HSD11B2: variants seen among roughly 807,000 people sequenced by gnomAD.
HSD11B2 encodes hydroxysteroid 11-beta dehydrogenase 2, also known as 11-beta-hydroxysteroid dehydrogenase type 2.
In HSD11B2, 17 loss-of-function variants were observed where a neutral mutation model predicts 20.9. That is an observed-to-expected ratio of 0.81 (90% confidence interval 0.56 to 1.22). The LOEUF (loss-of-function observed/expected upper bound fraction) is 1.22. Ranked by LOEUF, HSD11B2 falls within the 50% of genes most tolerant of loss-of-function variation. The pLI, the probability that HSD11B2 is intolerant of heterozygous loss-of-function variation, is 0.00. For synonymous variants in HSD11B2, 253 were observed against 255.4 expected, an observed-to-expected ratio of 0.99 and a Z score of 0.09; for missense variants, 480 against 563.6, an observed-to-expected ratio of 0.85 and a Z score of 1.50.
In HSD11B2 at chr16:67,437,191, G is replaced by C; in HGVS notation, c.*188G>C. 1 of 627,434 alleles carries C rather than the reference G, an allele frequency of 1.6e-6. No individual in the cohort carries two copies. Among genetic ancestry groups the C allele is most frequent in the Non-Finnish European group, 2.8e-6 (1 of 359,962 alleles). 38.9% of individuals were successfully genotyped at this position (627,434 alleles called of 1,614,324 possible). A position where few individuals can be genotyped will look rare whatever the true frequency, so the allele number is the denominator to read the frequency against. On this transcript the variant is annotated 3_prime_UTR_variant, in exon 5 of 5. Coordinates refer to ENST00000326152, the MANE Select transcript of HSD11B2 (RefSeq NM_000196.4). ...CGGTGAGGCCAAGGTTTCCCAGTGAGCCTCTGCGCCTCTCCACTGTTTCAT... is the reference window on the plus strand; with the variant it reads ...CGGTGAGGCCAAGGTTTCCCAGTGACCCTCTGCGCCTCTCCACTGTTTCAT...
chr16:67,437,086 C>CAA lies in HSD11B2; in HGVS notation c.*83_*84insAA, dbSNP rs1337171483. The CAA allele has an allele frequency of 7.2e-7, 1 of 1,392,154 alleles. No homozygotes were observed. The highest frequency in any genetic ancestry group is 9.8e-7 in the Non-Finnish European group (1 of 1,016,174). 86.2% of individuals were successfully genotyped at this position (1,392,154 alleles called of 1,614,324 possible). A position where few individuals can be genotyped will look rare whatever the true frequency, so the allele number is the denominator to read the frequency against. On this transcript the variant is annotated 3_prime_UTR_variant, in exon 5 of 5. Coordinates refer to ENST00000326152, the MANE Select transcript of HSD11B2 (RefSeq NM_000196.4). ...TCCTCCCCGAAAACCCCCAGCATTA[C>CAA]GATCCCCCAAGTGTCCTGGACCCTG...
Position 67,431,430 on chromosome 16 carries a change from T to C in HSD11B2, c.182T>C (p.Leu61Pro). The change falls in exon 1 of 5, where the codon CTG becomes CCG. Residue 61 changes from leucine to proline, a missense_variant. Transcript: ENST00000326152. ...CCCCCGCCGGCCGCACTCGCCGTGC[T>C]GGCCGCCGCCGGCTGGATCGCGTTG... Reference protein sequence around the residue: ...LLPPPAALAVLAAAGWIALSR... With the variant: ...LLPPPAALAVPAAAGWIALSR... 1 of 1,326,908 alleles carries C rather than the reference T, an allele frequency of 7.5e-7. No homozygotes were observed. The highest frequency in any genetic ancestry group is 9.6e-7 in the Non-Finnish European group (1 of 1,040,170). The allele number at this position is 1,326,908 out of a possible 1,614,324, so 82.2% of individuals were successfully genotyped here. A position where few individuals can be genotyped will look rare whatever the true frequency, so the allele number is the denominator to read the frequency against.
chr16:67,435,922 A>G, intron 2 of HSD11B2, 35 bp from the exon 3 acceptor site: 1 of 1,613,940 alleles, frequency 6.2e-7, no homozygotes, highest in Non-Finnish European at 8.5e-7. Flanking sequence ...TGCTGGGCTG[A>G]CCTAAGGCTT....
At chr16:67,431,619 G>A in intron 1 of HSD11B2, 106 bp downstream of exon 1, 2 of 1,116,332 alleles carry the variant, frequency 1.8e-6, no homozygotes, top group Non-Finnish European at 2.2e-6. Context: ...GCTCCTCAGC[G>A]CAAGAGTGGG....
chr16:67,436,075 G>A lies in HSD11B2; in HGVS notation c.597G>A (p.Leu199=), dbSNP rs149312221. 1 of 1,614,192 alleles carries A rather than the reference G, an allele frequency of 6.2e-7. No homozygotes were observed. Residue 199 remains leucine, a synonymous_variant, in exon 3 of 5, where the codon CTG becomes CTA. Transcript: ENST00000326152. The surrounding 1 kb of genome is among the most constrained non-coding windows in gnomAD (Gnocchi z 5.7). ...TGAATTTCTTTGGCGCGCTCGAGCT[G>A]ACCAAGGGCCTCCTGCCCCTGCTGC... ...MEVNFFGALE[L]TKGLLPLLRS...
chr16:67,435,888 AGG>A (rs1265120063), intron 2 of HSD11B2, 48 bp downstream of exon 2: 1 of 1,613,484 alleles, frequency 6.2e-7, no homozygotes, highest in Non-Finnish European at 8.5e-7. Flanking sequence ...GGGAGTGGGA[AGG>A]ACACGGGGAC....
At position 67,431,176 on chromosome 16, in the gene HSD11B2, C is replaced by A; in HGVS notation, c.-73C>A. 1.1e-6 allele frequency: 1 copy of A among 891,080 alleles called. No individual in the cohort carries two copies. Among genetic ancestry groups the A allele is most frequent in the Non-Finnish European group, 1.4e-6 (1 of 714,112 alleles). The allele number at this position is 891,080 out of a possible 1,614,324, so 55.2% of individuals were successfully genotyped here. ...CGGTGTACCCCCGCACTCCGCGCCC[C>A]GGCCTAGAAGCTCTCTCTCCCCGCT... On this transcript the variant is annotated 5_prime_UTR_variant, in exon 1 of 5. Coordinates refer to ENST00000326152, the MANE Select transcript of HSD11B2 (RefSeq NM_000196.4).
Position 67,437,217 on chromosome 16 carries a change from G to A in HSD11B2, c.*214G>A. On this transcript the variant is annotated 3_prime_UTR_variant, in exon 5 of 5. Transcript: ENST00000326152. Reference sequence around the variant, plus strand: ...CCTCTGCGCCTCTCCACTGTTTCATGAGCCCAAACACCCTCCTGGCACAAC... The same window carrying A: ...CCTCTGCGCCTCTCCACTGTTTCATAAGCCCAAACACCCTCCTGGCACAAC... 1 of 604,772 alleles carries A rather than the reference G, an allele frequency of 1.7e-6. No homozygotes were observed. The highest frequency in any genetic ancestry group is 2.0e-5 in the South Asian group (1 of 50,596). The allele number at this position is 604,772 out of a possible 1,614,324, so 37.5% of individuals were successfully genotyped here.
intron 1 of HSD11B2, chr16:67,433,295 CTG>C (rs745486026): frequency 2.0e-5 from 3 of 152,204 alleles, no homozygotes; most frequent in Non-Finnish European, 4.4e-5. Flanking sequence ...GCCAAGAACA[CTG>C]TGTTTTGGGC....
In HSD11B2 at chr16:67,436,815, C is replaced by T; in HGVS notation, c.1030C>T (p.Leu344=). The change falls in exon 5 of 5, where the codon CTG becomes TTG. Residue 344 remains leucine (L), a synonymous_variant. Transcript: ENST00000326152. The surrounding 1 kb of genome is among the most constrained non-coding windows in gnomAD (Gnocchi z 5.7). ...PRRRYYPGQG[L]GLMYFIHYYL... ...CCGCCGCTATTACCCCGGCCAGGGC[C>T]TGGGGCTCATGTACTTCATCCACTA... 1.2e-6 allele frequency: 2 copies of T among 1,613,844 alleles called. No individual in the cohort carries two copies. The highest frequency in any genetic ancestry group is 2.2e-5 in the South Asian group (2 of 91,092).
Position 67,437,004 on chromosome 16 carries a change from GC to G in HSD11B2, c.*3del, listed in dbSNP as rs762326376. The stretch of plus-strand genomic sequence containing the variant: ...CCCTTCCCCAGCAGTGGCTCGGTGA[GC>G]CATGTGCACCTATGGCCCAGCCACT... On this transcript the variant is annotated 3_prime_UTR_variant, in exon 5 of 5. Coordinates refer to ENST00000326152, the MANE Select transcript of HSD11B2 (RefSeq NM_000196.4). 6.2e-7 allele frequency: 1 copy of G among 1,606,842 alleles called. No homozygotes were observed. Among genetic ancestry groups the G allele is most frequent in the Non-Finnish European group, 8.5e-7 (1 of 1,179,786 alleles).
intron 1 of HSD11B2, among the ~76,000 whole-genome samples, chr16:67,433,950 GAGC>G (rs2142287051): frequency 6.6e-6 from 1 of 152,188 alleles, no homozygotes; most frequent in African/African-American, 2.4e-5. Flanking sequence ...GTGGGAGCAG[GAGC>G]AGAACAGAAA....
intron 1 of HSD11B2, among the ~76,000 whole-genome samples, chr16:67,435,298 C>A (rs533663665): frequency 1.3e-5 from 2 of 152,076 alleles, no homozygotes; most frequent in African/African-American, 4.8e-5. Flanking sequence ...CAGAACCACA[C>A]TGGGGCCTGG....
At chr16:67,435,878 G>T (rs777920217) in intron 2 of HSD11B2, 38 bp downstream of exon 2, 1 of 1,613,722 alleles carries the variant, frequency 6.2e-7, no homozygotes, top group Non-Finnish European at 8.5e-7. Context: ...GGCGTGGCAG[G>T]GGAGTGGGAA....
chr16:67,432,281 C>A lies in HSD11B2; in HGVS notation c.265+768C>A, dbSNP rs866161660. 4.4e-4 allele frequency among the ~76,000 whole-genome samples: 66 copies of A among 151,534 alleles called. 1 individual carries two copies. In the Middle Eastern group the frequency reaches 0.024, roughly 56 times the overall value. ...GGAAGGGGGGGGGGGGCTGGAGGCC[C>A]GCCGGAAGTGGGGAGGGGGAGAAAG... On this transcript the variant is annotated intron_variant, in intron 1 of 4. Coordinates refer to ENST00000326152, the MANE Select transcript of HSD11B2 (RefSeq NM_000196.4).
At position 67,431,145 on chromosome 16, in the gene HSD11B2, C is replaced by A; in HGVS notation, c.-104C>A. Reference sequence around the variant, plus strand: ...AGAAAGCGAGTGTCCCTCTCGCGCCCCAGGCCGGTGTACCCCCGCACTCCG... The same window carrying A: ...AGAAAGCGAGTGTCCCTCTCGCGCCACAGGCCGGTGTACCCCCGCACTCCG... On this transcript the variant is annotated 5_prime_UTR_variant, in exon 1 of 5. Transcript: ENST00000326152. 1 of 577,168 alleles carries A rather than the reference C, an allele frequency of 1.7e-6. No individual in the cohort carries two copies. Among genetic ancestry groups the A allele is most frequent in the African/African-American group, 2.0e-5 (1 of 49,438 alleles). The allele number at this position is 577,168 out of a possible 1,614,324, so 35.8% of individuals were successfully genotyped here.
chr16:67,435,395 G>T, intron 1 of HSD11B2: 1 of 630,148 alleles, frequency 1.6e-6, no homozygotes, highest in Non-Finnish European at 2.9e-6. Flanking sequence ...CCACATTAGT[G>T]GGGTAGCCAC....
At chr16:67,430,060 C>T (rs2040918625), upstream of HSD11B2, among the ~76,000 whole-genome samples, 1 of 151,864 alleles carries the variant, frequency 6.6e-6, no homozygotes, top group African/African-American at 2.4e-5. This position sits in a 1 kb window ranked among gnomAD's most constrained non-coding sequence, Gnocchi z 5.4. Flanking sequence ...AAGCCTGCAG[C>T]CAGGTACTGG....
intron 1 of HSD11B2, among the ~76,000 whole-genome samples, chr16:67,434,758 G>A (rs536794514): frequency 2.0e-5 from 3 of 152,312 alleles, no homozygotes; most frequent in African/African-American, 7.2e-5. Context: ...ACTGGGCGCA[G>A]TGGCTCACGC....
Sources: gnomAD v4.1 joint callset for allele counts (sites outside exome capture counted in the v4.1 genomes callset) on GRCh38, gnomAD v4.1.1 for gene constraint, Gnocchi (gnomAD v3.1) non-coding constraint, MANE v1.5 for transcripts, NCBI Gene and HGNC (gene_info 2026-07-23, HGNC 2026-07-21) for gene names.